The following MALRD1 variants were observed in gnomAD, a reference collection of about 807,000 sequenced individuals.
The protein encoded by MALRD1 is MAM and LDL-receptor class A domain-containing protein 1.
A neutral mutation model predicts 242.1 loss-of-function variants in MALRD1; 247 were observed. The ratio of observed to expected loss-of-function variants is 1.02; its 90% confidence interval spans 0.92 to 1.13. MALRD1 has a LOEUF of 1.13. Among genes scored for constraint, MALRD1 ranks in the 50% most tolerant of loss-of-function variants. MALRD1 has a pLI of 0.00. For synonymous variants in MALRD1, 995 were observed against 866.6 expected, an observed-to-expected ratio of 1.15 and a Z score of -2.60; for missense variants, 2,989 against 2,533.1, an observed-to-expected ratio of 1.18 and a Z score of -3.86.
intron 38 of MALRD1, among the ~76,000 whole-genome samples, chr10:19,701,275 C>T (rs1293087383): frequency 2.0e-5 from 3 of 152,088 alleles, no homozygotes; most frequent in Non-Finnish European, 4.4e-5. Context: ...TCTTCAGATC[C>T]TCAGATCCTT....
chr10:19,669,036 C>A (rs1841801646), intron 36 of MALRD1, among the ~76,000 whole-genome samples: 1 of 152,162 alleles, frequency 6.6e-6, no homozygotes, highest in Non-Finnish European at 1.5e-5. Flanking sequence ...GCAGCACTAT[C>A]CATAAAGATT....
Position 19,146,310 on chromosome 10 carries a change from T to G in MALRD1, c.1524T>G (p.Phe508Leu). ...GATTGAATAATGGAGAGCACCACTT[T>G]CCTGCAGCTGATCACACAGCAAACA... ...MKGLNNGEHH[F>L]PAADHTANIN... Residue 508 changes from phenylalanine to leucine, a missense_variant, in exon 11 of 40, where the codon TTT (phenylalanine) becomes TTG (leucine). By Grantham distance (22) the Phe-to-Leu change is conservative (BLOSUM62 0). Transcript: ENST00000454679. 8.1e-7 allele frequency: 1 copy of G among 1,231,666 alleles called. No homozygotes were observed. The highest frequency in any genetic ancestry group is 1.0e-6 in the Non-Finnish European group (1 of 987,908). The allele number at this position is 1,231,666 out of a possible 1,614,324, so 76.3% of individuals were successfully genotyped here. A position where few individuals can be genotyped will look rare whatever the true frequency, so the allele number is the denominator to read the frequency against.
intron 34 of MALRD1, among the ~76,000 whole-genome samples, chr10:19,606,107 A>G (rs1838609606): frequency 6.6e-6 from 1 of 152,196 alleles, no homozygotes; most frequent in East Asian, 1.9e-4. Context: ...TTCAGAGTTA[A>G]TTGTGTCAAT....
intron 27 of MALRD1, 115 bp downstream of exon 27, chr10:19,387,888 G>A (rs1589004715): frequency 7.6e-7 from 1 of 1,313,254 alleles, no homozygotes; most frequent in East Asian, 2.5e-5. Context: ...GGTATTGCAA[G>A]GCGATCAAAC....
At chr10:19,248,393 A>G (rs575331071) in intron 18 of MALRD1, among the ~76,000 whole-genome samples, 43 of 103,162 alleles carry the variant, frequency 4.2e-4, no homozygotes, top group African/African-American at 1.6e-3. Context: ...GGTGCCATGA[A>G]AAAAAAAAAA....
intron 29 of MALRD1, among the ~76,000 whole-genome samples, chr10:19,461,942 G>T (rs1273445753): frequency 1.3e-5 from 2 of 152,102 alleles, no homozygotes; most frequent in Admixed American, 1.3e-4. Context: ...TGGACACATT[G>T]TTGCAGGCAT....
chr10:19,408,731 A>G (rs1833144225), intron 28 of MALRD1, among the ~76,000 whole-genome samples: 1 of 152,190 alleles, frequency 6.6e-6, no homozygotes, highest in African/African-American at 2.4e-5. Flanking sequence ...ATATCACTAC[A>G]CGCCGACCAG....
chr10:19,504,655 T>G (rs1408554314), intron 31 of MALRD1, among the ~76,000 whole-genome samples: 1 of 149,624 alleles, frequency 6.7e-6, no homozygotes, highest in Admixed American at 6.6e-5. Context: ...AATGACTATA[T>G]TGTAACACAT....
At chr10:19,153,308 C>T (rs1834008793) in intron 11 of MALRD1, among the ~76,000 whole-genome samples, 1 of 152,130 alleles carries the variant, frequency 6.6e-6, no homozygotes, top group Non-Finnish European at 1.5e-5. Context: ...TATTTTCATC[C>T]ATTTTATTAA....
intron 29 of MALRD1, among the ~76,000 whole-genome samples, chr10:19,472,636 G>GT (rs1010991795): frequency 1.4e-4 from 22 of 151,838 alleles, no homozygotes; most frequent in African/African-American, 4.8e-4. Context: ...TTGGTAGAAG[G>GT]TATGTTACTA....
chr10:19,128,095 A>T (rs757464981), intron 7 of MALRD1, 126 bp from the exon 8 acceptor site: 11 of 569,696 alleles, frequency 1.9e-5, no homozygotes, highest in Non-Finnish European at 2.6e-5. Flanking sequence ...AAAACGCTCT[A>T]TCCTTTTAAG....
intron 26 of MALRD1, among the ~76,000 whole-genome samples, chr10:19,385,177 G>C (rs896433472): frequency 6.6e-6 from 1 of 151,840 alleles, no homozygotes; most frequent in Non-Finnish European, 1.5e-5. Flanking sequence ...ATTTTGTTGA[G>C]GATTTTTGCA....
chr10:19,278,494 C>CGTCCATCT (rs1281907805), intron 19 of MALRD1, among the ~76,000 whole-genome samples: 1 of 145,148 alleles, frequency 6.9e-6, no homozygotes, highest in Admixed American at 7.0e-5. Flanking sequence ...TCTATCCATC[C>CGTCCATCT]ATCCATCTGT....
At chr10:19,267,662 C>A (rs1199902324) in intron 19 of MALRD1, among the ~76,000 whole-genome samples, 1 of 152,052 alleles carries the variant, frequency 6.6e-6, no homozygotes, top group East Asian at 1.9e-4. Context: ...CGCTGTTTGG[C>A]GTATTCATTA....
rs115926562 is a variant in MALRD1 at position 19,644,332 on chromosome 10, C to G, written c.6137+28409C>G. 2.8e-3 allele frequency among the ~76,000 whole-genome samples: 422 copies of G among 152,310 alleles called. 2 individuals are homozygous for G. The highest frequency in any genetic ancestry group is 9.7e-3 in the African/African-American group (404 of 41,566). On this transcript the variant is annotated intron_variant, in intron 36 of 39. Coordinates refer to ENST00000454679, the MANE Select transcript of MALRD1 (RefSeq NM_001142308.3). ...CCTGAGCTCATTTTAGATACCTGAT[C>G]TGGTGAGGAAATCCCATCATCATTC...
At chr10:19,101,649 T>C (rs1265416443) in intron 4 of MALRD1, among the ~76,000 whole-genome samples, 1 of 135,314 alleles carries the variant, frequency 7.4e-6, no homozygotes, top group African/African-American at 2.7e-5. Flanking sequence ...ATACAATACA[T>C]ATACTATAGG....
intron 32 of MALRD1, among the ~76,000 whole-genome samples, chr10:19,553,141 T>C (rs1455362475): frequency 6.6e-6 from 1 of 152,110 alleles, no homozygotes; most frequent in Non-Finnish European, 1.5e-5. Flanking sequence ...ATATAATGTA[T>C]GTGGTTATTG....
intron 36 of MALRD1, among the ~76,000 whole-genome samples, chr10:19,687,919 TTA>T (rs1323834037): frequency 4.3e-5 from 1 of 23,278 alleles, no homozygotes; most frequent in African/African-American, 4.5e-4. Context: ...TAATGTTATG[TTA>T]TGTTATGTTA....
At chr10:19,262,376 C>T (rs1402739759) in intron 19 of MALRD1, among the ~76,000 whole-genome samples, 1 of 151,912 alleles carries the variant, frequency 6.6e-6, no homozygotes, top group Non-Finnish European at 1.5e-5. Context: ...GAGAACTTGG[C>T]CGGGCCCGGT....
Sources: gnomAD v4.1 joint callset for allele counts (sites outside exome capture counted in the v4.1 genomes callset) on GRCh38, gnomAD v4.1.1 for gene constraint, MANE v1.5 for transcripts, NCBI Gene and HGNC (gene_info 2026-07-23, HGNC 2026-07-21) for gene names.